TRIO: variants seen among roughly 807,000 people sequenced by gnomAD.
TRIO encodes trio Rho guanine nucleotide exchange factor, also known as triple functional domain protein.
In TRIO, 58 loss-of-function variants were observed where a neutral mutation model predicts 351.9. The observed-to-expected ratio is 0.16, with a 90% CI of 0.13 to 0.21. TRIO has a LOEUF of 0.21. Among genes scored for constraint, TRIO ranks in the 10% least tolerant of loss-of-function variants. The pLI, the probability that TRIO is intolerant of heterozygous loss-of-function variation, is 1.00. For missense variants in TRIO, 3,201 were observed against 4,027.8 expected (o/e 0.79, Z 5.56); for synonymous variants, 1,758 against 1,595.7 (o/e 1.10, Z -2.42).
intron 1 of TRIO, among the ~76,000 whole-genome samples, chr5:14,215,403 A>G (rs113420153): frequency 1.2e-3 from 186 of 152,342 alleles, no homozygotes; most frequent in African/African-American, 4.3e-3. Flanking sequence ...CTGGAAACCT[A>G]TCACAGTTTT....
In TRIO at chr5:14,275,987, T is replaced by C. The variant is rs192762938; in HGVS notation, c.233-4335T>C. Reference sequence around the variant, plus strand: ...ATATATATACATACATATATATATATACACACACACATATGTGTATATATA... The same window carrying C: ...ATATATATACATACATATATATATACACACACACACATATGTGTATATATA... On this transcript the variant is annotated intron_variant, in intron 2 of 56. Transcript: ENST00000344204. Among the ~76,000 whole-genome samples the C allele has an allele frequency of 6.0e-3, 887 of 148,414 alleles. 15 individuals are homozygous for C. The highest frequency in any genetic ancestry group is 0.019 in the African/African-American group (782 of 40,828).
chr5:14,280,033 T>C (rs1735862035), intron 2 of TRIO, among the ~76,000 whole-genome samples: 1 of 152,210 alleles, frequency 6.6e-6, no homozygotes, highest in African/African-American at 2.4e-5. Context: ...AACTTTTTTT[T>C]CTGTCCAAAA....
chr5:14,251,285 C>T (rs1794730644), intron 1 of TRIO, among the ~76,000 whole-genome samples: 1 of 152,206 alleles, frequency 6.6e-6, no homozygotes, highest in South Asian at 2.1e-4. Context: ...AATGGAATGG[C>T]CCAGGCTTCT....
intron 6 of TRIO, 27 bp downstream of exon 6, chr5:14,293,161 T>G (rs766973878): frequency 6.2e-7 from 1 of 1,613,760 alleles, no homozygotes; most frequent in Non-Finnish European, 8.5e-7. Flanking sequence ...AGCTGGACCC[T>G]GGCATGTGAC....
At chr5:14,437,911 A>G (rs991345389) in intron 34 of TRIO, among the ~76,000 whole-genome samples, 1 of 152,180 alleles carries the variant, frequency 6.6e-6, no homozygotes, top group African/African-American at 2.4e-5. Flanking sequence ...TTTGCTTGAC[A>G]TAGATATCAC....
Position 14,508,265 on chromosome 5 carries a change from A to G in TRIO, c.9137A>G (p.Gln3046Arg), listed in dbSNP as rs1409155730. Residue 3046 changes from glutamine to arginine, a missense_variant, in exon 57 of 57, where the codon CAG becomes CGG. Around this residue, in one of 19 missense-constraint regions of TRIO, gnomAD observed 233 missense variants for 292.6 expected, o/e 0.80. Transcript: ENST00000344204. ...CGTCCCTCGGCTGCGCTGGCCCTCC[A>G]GGAGCAGTGGCTGCAGGCCGGCAAC... Reference protein sequence around the residue: ...AKRPSAALALQEQWLQAGNGR... With the variant: ...AKRPSAALALREQWLQAGNGR... The G allele has an allele frequency of 1.2e-6, 2 of 1,613,872 alleles. No homozygotes were observed. Among genetic ancestry groups the G allele is most frequent in the Non-Finnish European group, 1.7e-6 (2 of 1,180,048 alleles).
At chr5:14,320,616 C>G (rs165210) in intron 9 of TRIO, among the ~76,000 whole-genome samples, 1,940 of 152,274 alleles carry the variant, frequency 0.013, 42 homozygotes, top group African/African-American at 0.044. Context: ...AATGATCAGG[C>G]AAACCTAGTC....
intron 10 of TRIO, among the ~76,000 whole-genome samples, 161 bp from the exon 11 acceptor site, chr5:14,336,375 G>A (rs1741418089): frequency 6.6e-6 from 1 of 152,156 alleles, no homozygotes; most frequent in South Asian, 2.1e-4. Context: ...ATTCTGCATA[G>A]AATTCCCAAA....
intron 34 of TRIO, among the ~76,000 whole-genome samples, chr5:14,426,511 C>T (rs1750654034): frequency 6.6e-6 from 1 of 152,196 alleles, no homozygotes; most frequent in Non-Finnish European, 1.5e-5. Context: ...CCAAGGAACG[C>T]TGAAGACCCA....
chr5:14,389,481 G>C (rs1746859691), intron 25 of TRIO, 83 bp downstream of exon 25: 1 of 950,484 alleles, frequency 1.1e-6, no homozygotes. Context: ...CATTCCCATT[G>C]AATTAAGCAG....
intron 1 of TRIO, among the ~76,000 whole-genome samples, chr5:14,149,556 C>G (rs1202448346): frequency 6.6e-6 from 1 of 152,140 alleles, no homozygotes; most frequent in Non-Finnish European, 1.5e-5. Flanking sequence ...AGAGAGCAAA[C>G]CAGAGTGAGG....
intron 1 of TRIO, among the ~76,000 whole-genome samples, chr5:14,265,096 T>G (rs1174234944): frequency 6.6e-6 from 1 of 151,962 alleles, no homozygotes; most frequent in African/African-American, 2.4e-5. Context: ...TTTTTTTTTT[T>G]TTTCCCAATC....
At chr5:14,396,593 C>T (rs923799269) in intron 28 of TRIO, among the ~76,000 whole-genome samples, 5 of 150,874 alleles carry the variant, frequency 3.3e-5, no homozygotes, top group African/African-American at 1.2e-4. Flanking sequence ...CCTCAGTCTC[C>T]CAAGTAGCTG....
At chr5:14,275,951 CATAT>C (rs1191851944) in intron 2 of TRIO, among the ~76,000 whole-genome samples, 1 of 142,734 alleles carries the variant, frequency 7.0e-6, no homozygotes, top group Non-Finnish European at 1.5e-5. Context: ...TATATATATA[CATAT>C]ATATACATAT....
chr5:14,378,717 G>A (rs1001545056), intron 20 of TRIO, among the ~76,000 whole-genome samples: 1 of 151,940 alleles, frequency 6.6e-6, no homozygotes, highest in East Asian at 1.9e-4. Context: ...CCACCACCAC[G>A]CCTGGGTAAT....
At chr5:14,402,271 T>C (rs1748133583) in intron 31 of TRIO, among the ~76,000 whole-genome samples, 1 of 152,224 alleles carries the variant, frequency 6.6e-6, no homozygotes, top group African/African-American at 2.4e-5. Context: ...TTCCAAAAAA[T>C]AGTGACAGAT....
intron 3 of TRIO, among the ~76,000 whole-genome samples, chr5:14,281,913 C>G (rs181492084): frequency 8.1e-4 from 123 of 152,304 alleles, no homozygotes; most frequent in Non-Finnish European, 1.5e-3. Context: ...GGTAATAGAT[C>G]TACCACAGCA....
At chr5:14,251,335 C>T (rs749307355) in intron 1 of TRIO, among the ~76,000 whole-genome samples, 1 of 152,234 alleles carries the variant, frequency 6.6e-6, no homozygotes, top group African/African-American at 2.4e-5. Context: ...AACTGTGTCC[C>T]TACTGATTTT....
At chr5:14,392,326 T>C (rs1747158562) in intron 27 of TRIO, among the ~76,000 whole-genome samples, 1 of 151,740 alleles carries the variant, frequency 6.6e-6, no homozygotes, top group South Asian at 2.1e-4. Context: ...AACAAACATA[T>C]GAAAAACTCA....
Sources: gnomAD v4.1 joint callset for allele counts (sites outside exome capture counted in the v4.1 genomes callset) on GRCh38, gnomAD v4.1.1 for gene constraint, gnomAD v4.1.1 regional missense constraint, MANE v1.5 for transcripts, NCBI Gene and HGNC (gene_info 2026-07-23, HGNC 2026-07-21) for gene names.